Variants in DIS3L2 observed in about 807,000 individuals in gnomAD.
DIS3L2 encodes DIS3 like 3'-5' exoribonuclease 2.
DIS3L2 carries 34 observed loss-of-function variants against 97.5 expected under a neutral mutation model. That is an observed-to-expected ratio of 0.35 (90% CI 0.27 to 0.46). DIS3L2 has a LOEUF of 0.46. Ranked by LOEUF, DIS3L2 falls within the 20% of genes least tolerant of loss-of-function variation. The pLI, the probability that DIS3L2 is intolerant of heterozygous loss-of-function variation, is 1.00. For synonymous variants in DIS3L2, 435 were observed against 445.2 expected (o/e 0.98, Z 0.29); for missense variants, 1,038 against 1,146.0 (o/e 0.91, Z 1.36).
intron 9 of DIS3L2, among the ~76,000 whole-genome samples, chr2:232,209,181 C>A (rs1018679759): frequency 1.3e-5 from 2 of 151,874 alleles, no homozygotes; most frequent in Non-Finnish European, 2.9e-5. Context: ...TTGGGAGTTA[C>A]TAGGAGTAGG....
At chr2:232,029,888 G>A in intron 4 of DIS3L2, 91 bp from the exon 5 acceptor site, 1 of 917,136 alleles carries the variant, frequency 1.1e-6, no homozygotes, top group Non-Finnish European at 1.7e-6. Flanking sequence ...ATAACTTGCT[G>A]TTTTCTATTT....
intron 5 of DIS3L2, among the ~76,000 whole-genome samples, chr2:232,052,743 A>G (rs1574839467): frequency 6.6e-6 from 1 of 152,016 alleles, no homozygotes. Context: ...GCCTCTGGGA[A>G]GCCTTTCCTT....
At position 232,014,866 on chromosome 2, in the gene DIS3L2, C is replaced by T; in HGVS notation, c.-62C>T. On this transcript the variant is annotated 5_prime_UTR_variant, in exon 2 of 21. Transcript: ENST00000325385. The stretch of plus-strand genomic sequence containing the variant: ...ACAACAGAGCTGCTCAAGGCGGGAA[C>T]TCTGAGCTAAGCAGTGGAGGTTTCT... 1 of 1,584,916 alleles carries T rather than the reference C, an allele frequency of 6.3e-7. No individual in the cohort carries two copies. The highest frequency in any genetic ancestry group is 8.6e-7 in the Non-Finnish European group (1 of 1,157,604).
intron 1 of DIS3L2, among the ~76,000 whole-genome samples, chr2:231,966,668 T>TTTTTTTTG: frequency 7.5e-6 from 1 of 132,580 alleles, no homozygotes; most frequent in Non-Finnish European, 1.6e-5. Context: ...TTTTTTTTTT[T>TTTTTTTTG]TTTTTTTGTG....
intron 5 of DIS3L2, among the ~76,000 whole-genome samples, chr2:232,078,372 T>C (rs1559603023): frequency 6.6e-6 from 1 of 152,092 alleles, no homozygotes; most frequent in African/African-American, 2.4e-5. Flanking sequence ...CTTGTAGATA[T>C]GCCCTTCCCC....
chr2:232,218,731 A>G (rs909741642), intron 10 of DIS3L2, among the ~76,000 whole-genome samples: 2 of 152,208 alleles, frequency 1.3e-5, no homozygotes, highest in African/African-American at 4.8e-5. Flanking sequence ...GACTGTTGTC[A>G]TGGTCTTTTC....
chr2:232,134,156 T>C (rs1195820659), intron 7 of DIS3L2, among the ~76,000 whole-genome samples: 1 of 151,684 alleles, frequency 6.6e-6, no homozygotes, highest in African/African-American at 2.4e-5. Context: ...ACAAAGAAAG[T>C]ATAGACTGAA....
At chr2:232,232,990 G>A (rs537272656) in intron 10 of DIS3L2, among the ~76,000 whole-genome samples, 1 of 152,174 alleles carries the variant, frequency 6.6e-6, no homozygotes, top group African/African-American at 2.4e-5. Flanking sequence ...CTAAGGAGGA[G>A]TGTCTCAAGG....
intron 1 of DIS3L2, among the ~76,000 whole-genome samples, chr2:231,972,524 C>T (rs1195605680): frequency 6.6e-6 from 1 of 152,136 alleles, no homozygotes; most frequent in East Asian, 1.9e-4. Context: ...TTATGGAATG[C>T]ATGACTGTAT....
chr2:232,043,097 G>A (rs1464663687), intron 5 of DIS3L2, among the ~76,000 whole-genome samples: 3 of 152,206 alleles, frequency 2.0e-5, no homozygotes, highest in South Asian at 2.1e-4. Flanking sequence ...GCACTGCTGA[G>A]CAACTGTATG....
chr2:232,296,170 G>A (rs539226729), intron 13 of DIS3L2, among the ~76,000 whole-genome samples: 35 of 152,292 alleles, frequency 2.3e-4, no homozygotes, highest in Admixed American at 1.1e-3. Context: ...AGTAGCAATA[G>A]CATCTGCCCT....
At position 232,027,733 on chromosome 2, in the gene DIS3L2, A is replaced by G. The variant is rs964032275; in HGVS notation, c.265-2246A>G. ...TTCATTATAATTTCTACTGACAGAA[A>G]GTTGGTTTTCATTTCATGACACATC... On this transcript the variant is annotated intron_variant, in intron 4 of 20. Transcript: ENST00000325385. Among the ~76,000 whole-genome samples, 212 of 152,316 alleles carry G rather than the reference A, an allele frequency of 1.4e-3. 1 individual carries two copies. Among genetic ancestry groups the G allele is most frequent in the African/African-American group, 4.9e-3 (202 of 41,568 alleles).
chr2:232,158,236 C>G (rs1690552542), intron 8 of DIS3L2, among the ~76,000 whole-genome samples: 1 of 152,062 alleles, frequency 6.6e-6, no homozygotes, highest in African/African-American at 2.4e-5. Flanking sequence ...ATTTATGACT[C>G]ATGACAATGG....
intron 14 of DIS3L2, among the ~76,000 whole-genome samples, chr2:232,321,579 C>T (rs867190013): frequency 6.6e-5 from 10 of 152,264 alleles, no homozygotes; most frequent in African/African-American, 2.4e-4. Context: ...GGAGCGTCAG[C>T]AAAGGAGAGG....
chr2:232,158,225 CATTTATGACTCA>C (rs1690552260), intron 8 of DIS3L2, among the ~76,000 whole-genome samples: 1 of 151,958 alleles, frequency 6.6e-6, no homozygotes, highest in South Asian at 2.1e-4. Flanking sequence ...CTATCGTGTC[CATTTATGACTCA>C]TGACAATGGA....
At chr2:232,242,055 C>T (rs1332651822) in intron 11 of DIS3L2, among the ~76,000 whole-genome samples, 2 of 152,170 alleles carry the variant, frequency 1.3e-5, no homozygotes, top group Non-Finnish European at 2.9e-5. Flanking sequence ...CTTTCTGACA[C>T]CAGCAGGTTG....
chr2:232,202,651 A>G (rs1161109867), intron 9 of DIS3L2, among the ~76,000 whole-genome samples: 1 of 152,246 alleles, frequency 6.6e-6, no homozygotes, highest in South Asian at 2.1e-4. Context: ...GCCTGCCCAC[A>G]GTGCTGCATC....
chr2:231,974,398 T>C (rs1476808183), intron 1 of DIS3L2, among the ~76,000 whole-genome samples: 6 of 152,120 alleles, frequency 3.9e-5, no homozygotes, highest in Admixed American at 2.6e-4. Context: ...TTTTTCCTTC[T>C]TTGTTTCATT....
At position 232,050,689 on chromosome 2, in the gene DIS3L2, G is replaced by T. The variant is rs545302339; in HGVS notation, c.366+20609G>T. Among the ~76,000 whole-genome samples, 23 of 152,234 alleles carry T rather than the reference G, an allele frequency of 1.5e-4. No homozygotes were observed. In the South Asian group the frequency reaches 4.8e-3, roughly 32 times the overall value. On this transcript the variant is annotated intron_variant, in intron 5 of 20. Coordinates refer to ENST00000325385, the MANE Select transcript of DIS3L2 (RefSeq NM_152383.5). Reference sequence around the variant, plus strand: ...TTTAAACTGACACTTTTATTTGGAGGATTTCCACCATCCATTTGTTTATTC... The same window carrying T: ...TTTAAACTGACACTTTTATTTGGAGTATTTCCACCATCCATTTGTTTATTC...
Sources: allele counts gnomAD v4.1 joint callset (sites outside exome capture counted in the v4.1 genomes callset), GRCh38; gene constraint gnomAD v4.1.1; transcripts MANE v1.5; gene names NCBI Gene and HGNC (gene_info 2026-07-23, HGNC 2026-07-21).